The following LRP1B variants were observed in gnomAD, a reference collection of about 807,000 sequenced individuals.
LRP1B encodes the protein low-density lipoprotein receptor-related protein 1B.
A neutral mutation model predicts 556.6 loss-of-function variants in LRP1B; 217 were observed. That is an observed-to-expected ratio of 0.39 (90% CI 0.35 to 0.44). LRP1B has a LOEUF of 0.44. Ranked by LOEUF, LRP1B falls within the 20% of genes least tolerant of loss-of-function variation. The pLI is 1.00. For missense variants in LRP1B, 5,053 were observed against 5,620.8 expected, an observed-to-expected ratio of 0.90 and a Z score of 3.23; for synonymous variants, 2,047 against 1,865.8, an observed-to-expected ratio of 1.10 and a Z score of -2.50.
At chr2:141,393,044 C>G (rs1028852231) in intron 3 of LRP1B, among the ~76,000 whole-genome samples, 3 of 152,086 alleles carry the variant, frequency 2.0e-5, no homozygotes, top group African/African-American at 7.2e-5. Flanking sequence ...CTCCAAAGCT[C>G]CAGCATAGTA....
intron 1 of LRP1B, among the ~76,000 whole-genome samples, chr2:141,959,613 C>T (rs910679559): frequency 1.3e-5 from 2 of 151,600 alleles, no homozygotes; most frequent in African/African-American, 4.8e-5. Context: ...CTGAAATTAT[C>T]GTATTAACAC....
At chr2:140,315,753 C>T (rs964224433) in intron 82 of LRP1B, among the ~76,000 whole-genome samples, 52 of 152,092 alleles carry the variant, frequency 3.4e-4, no homozygotes, top group African/African-American at 1.3e-3. Context: ...ATAGCATATG[C>T]ACACACATAC....
At chr2:141,738,874 T>C (rs1693591198) in intron 2 of LRP1B, among the ~76,000 whole-genome samples, 1 of 152,136 alleles carries the variant, frequency 6.6e-6, no homozygotes, top group African/African-American at 2.4e-5. Context: ...AAAGCAAGAA[T>C]AAAATATGTA....
chr2:141,356,438 A>T (rs1425578809), intron 3 of LRP1B, among the ~76,000 whole-genome samples: 1 of 152,108 alleles, frequency 6.6e-6, no homozygotes, highest in Non-Finnish European at 1.5e-5. Context: ...AAAGTGTTCA[A>T]AATATGGACA....
intron 3 of LRP1B, among the ~76,000 whole-genome samples, chr2:141,473,471 G>C (rs4335888): frequency 0.44 from 66,830 of 151,932 alleles, 15,012 homozygotes; most frequent in Non-Finnish European, 0.49. Flanking sequence ...CTGAAATCAG[G>C]TAGTGTTAAG....
Position 140,231,487 on chromosome 2 carries a change from C to T in LRP1B, c.*1699G>A, listed in dbSNP as rs541932143. The stretch of plus-strand genomic sequence containing the variant: ...ATTTTTTATAAAGTATTTAACACTT[C>T]ATTGTAGAAACATAGGCAAAATGAC... On this transcript the variant is annotated 3_prime_UTR_variant, in exon 91 of 91. Transcript: ENST00000389484. 2 of 151,796 alleles carry T rather than the reference C, an allele frequency of 1.3e-5. No individual in the cohort carries two copies. Among genetic ancestry groups the T allele is most frequent in the Admixed American group, 6.6e-5 (1 of 15,124 alleles). The allele number at this position is 151,796 out of a possible 1,614,324, so 9.4% of individuals were successfully genotyped here. A position where few individuals can be genotyped will look rare whatever the true frequency, so the allele number is the denominator to read the frequency against.
chr2:140,652,221 A>G (rs954451141), intron 41 of LRP1B, among the ~76,000 whole-genome samples: 1 of 152,060 alleles, frequency 6.6e-6, no homozygotes, highest in African/African-American at 2.4e-5. Context: ...AACAGTTGTC[A>G]TTTTCAAATA....
intron 4 of LRP1B, among the ~76,000 whole-genome samples, chr2:141,253,183 G>A (rs924156366): frequency 6.6e-6 from 1 of 152,110 alleles, no homozygotes; most frequent in African/African-American, 2.4e-5. Context: ...AATGTTCAAT[G>A]GCATCATCCA....
intron 41 of LRP1B, among the ~76,000 whole-genome samples, chr2:140,655,589 G>A (rs1030670518): frequency 2.6e-5 from 4 of 152,174 alleles, no homozygotes; most frequent in African/African-American, 9.6e-5. Flanking sequence ...GTATTTATCT[G>A]TATTGCATCA....
chr2:141,628,453 A>T (rs1027144265), intron 2 of LRP1B, among the ~76,000 whole-genome samples: 1 of 152,178 alleles, frequency 6.6e-6, no homozygotes, highest in Non-Finnish European at 1.5e-5. Flanking sequence ...GATGTAAAAA[A>T]AAAAATTCTT....
intron 2 of LRP1B, among the ~76,000 whole-genome samples, chr2:141,781,889 T>C (rs1359208664): frequency 6.6e-6 from 1 of 152,140 alleles, no homozygotes. Context: ...ATGACCTTTT[T>C]CTTCATCTGA....
intron 1 of LRP1B, among the ~76,000 whole-genome samples, chr2:141,915,574 A>C (rs1433168325): frequency 6.6e-6 from 1 of 152,168 alleles, no homozygotes; most frequent in Non-Finnish European, 1.5e-5. Flanking sequence ...AAAAACAAAA[A>C]TTTACAAGTG....
At chr2:140,236,138 C>A (rs906006942) in intron 89 of LRP1B, among the ~76,000 whole-genome samples, 1 of 150,770 alleles carries the variant, frequency 6.6e-6, no homozygotes, top group Non-Finnish European at 1.5e-5. Flanking sequence ...TGATAGTACA[C>A]AATGTATCCA....
chr2:141,059,804 T>A (rs541582118), intron 8 of LRP1B, among the ~76,000 whole-genome samples: 2 of 151,890 alleles, frequency 1.3e-5, no homozygotes, highest in South Asian at 4.1e-4. Context: ...ACTTAGAAAG[T>A]TTTCCCCTGG....
At chr2:141,227,506 C>T (rs1462845365) in intron 6 of LRP1B, among the ~76,000 whole-genome samples, 2 of 152,106 alleles carry the variant, frequency 1.3e-5, no homozygotes, top group Non-Finnish European at 2.9e-5. Context: ...GATTATCTGC[C>T]TTGTGCCATC....
intron 1 of LRP1B, among the ~76,000 whole-genome samples, chr2:142,093,895 C>T (rs1868542): frequency 0.67 from 101,693 of 151,908 alleles, 34,213 homozygotes; most frequent in East Asian, 0.71. Context: ...GACTTAGCTG[C>T]CTTAGTTTAT....
intron 2 of LRP1B, among the ~76,000 whole-genome samples, chr2:141,499,267 G>A (rs1683627487): frequency 6.6e-6 from 1 of 152,048 alleles, no homozygotes. Context: ...CAATGTCACA[G>A]CGGTTATTTT....
chr2:141,260,519 A>C (rs538179856), intron 3 of LRP1B, among the ~76,000 whole-genome samples: 1 of 152,200 alleles, frequency 6.6e-6, no homozygotes, highest in South Asian at 2.1e-4. Context: ...AAACATTACG[A>C]GTTATTACCA....
chr2:140,316,276 A>C (rs1035782145), intron 82 of LRP1B, among the ~76,000 whole-genome samples: 3 of 152,152 alleles, frequency 2.0e-5, no homozygotes, highest in Non-Finnish European at 4.4e-5. Flanking sequence ...AGGTAAAATC[A>C]AAACAATTTA....
Sources: gnomAD v4.1 joint callset for allele counts (sites outside exome capture counted in the v4.1 genomes callset) on GRCh38, gnomAD v4.1.1 for gene constraint, MANE v1.5 for transcripts, NCBI Gene and HGNC (gene_info 2026-07-23, HGNC 2026-07-21) for gene names.